The following ANKRD10 variants were observed in gnomAD, a reference collection of about 807,000 sequenced individuals.
ANKRD10 encodes the protein ankyrin repeat domain 10, also known as ankyrin repeat domain-containing protein 10.
ANKRD10 carries 14 observed loss-of-function variants against 27.0 expected under a neutral mutation model. The ratio of observed to expected loss-of-function variants is 0.52; its 90% CI spans 0.34 to 0.81. ANKRD10 has a LOEUF of 0.81. ANKRD10 is among the 40% of genes least tolerant of loss of function. The pLI, the probability that ANKRD10 is intolerant of heterozygous loss-of-function variation, is 0.01. For synonymous variants in ANKRD10, 250 were observed against 224.5 expected, an observed-to-expected ratio of 1.11 and a Z score of -1.01; for missense variants, 493 against 544.0, an observed-to-expected ratio of 0.91 and a Z score of 0.93.
chr13:110,915,029 G>C lies in ANKRD10; in HGVS notation c.-95C>G, dbSNP rs1420607257. 2.8e-6 allele frequency: 4 copies of C among 1,445,430 alleles called. No homozygotes were observed. The highest frequency in any genetic ancestry group is 2.5e-4 in the Middle Eastern group (1 of 3,988). The allele number at this position is 1,445,430 out of a possible 1,614,324, so 89.5% of individuals were successfully genotyped here. A position where few individuals can be genotyped will look rare whatever the true frequency, so the allele number is the denominator to read the frequency against. On this transcript the variant is annotated 5_prime_UTR_variant, in exon 1 of 6. Transcript: ENST00000267339. ...GCCGCAGCACAAAGGAACGAGACTA[G>C]CGCCGCGGTCGCGTCCCACAGGCTG...
chr13:110,910,716 T>G lies in ANKRD10; in HGVS notation c.265A>C (p.Thr89Pro). ...TGGGCTGGCGTCTGCGCGTACCGTG[T>G]GGTGGAGACGTTGAGTGTGGCTCCC... ...RAGATLNVST[T>P]RYAQTPAHIA... Residue 89 changes from threonine to proline, a missense_variant, in exon 2 of 6, where the codon ACA (threonine) becomes CCA (proline). By Grantham distance (38) the Thr-to-Pro change is conservative. Coordinates refer to ENST00000267339, the MANE Select transcript of ANKRD10 (RefSeq NM_017664.4). 6.2e-7 allele frequency: 1 copy of G among 1,614,204 alleles called. No homozygotes were observed. Among genetic ancestry groups the G allele is most frequent in the Non-Finnish European group, 8.5e-7 (1 of 1,180,042 alleles).
At position 110,910,875 on chromosome 13, in the gene ANKRD10, C is replaced by A. The variant is rs1038133138; in HGVS notation, c.211-105G>T. On this transcript the variant is annotated intron_variant, in intron 1 of 5. Transcript: ENST00000267339. Reference sequence around the variant, plus strand: ...ATAATGGTGACAAATGGCATTGTTACCAGTTTTTTAACAGATTAAGTCACT... The same window carrying A: ...ATAATGGTGACAAATGGCATTGTTAACAGTTTTTTAACAGATTAAGTCACT... 6 of 1,242,324 alleles carry A rather than the reference C, an allele frequency of 4.8e-6. No individual in the cohort carries two copies. The South Asian group carries it at 6.6e-5, about 14-fold the overall frequency. The allele number at this position is 1,242,324 out of a possible 1,614,324, so 77.0% of individuals were successfully genotyped here.
intron 3 of ANKRD10, among the ~76,000 whole-genome samples, chr13:110,893,591 T>C (rs1166774503): frequency 2.0e-5 from 3 of 152,254 alleles, no homozygotes; most frequent in Admixed American, 6.5e-5. Context: ...AATTCTATAT[T>C]ATATGCACTT....
intron 3 of ANKRD10, chr13:110,894,231 G>T: frequency 6.6e-7 from 1 of 1,509,832 alleles, no homozygotes; most frequent in Non-Finnish European, 9.2e-7. Context: ...CCTGTTAGCT[G>T]CAGGTTGATA....
chr13:110,902,611 T>C (rs1346076319), intron 3 of ANKRD10, among the ~76,000 whole-genome samples: 1 of 152,206 alleles, frequency 6.6e-6, no homozygotes, highest in Non-Finnish European at 1.5e-5. Context: ...AGCTATCTGA[T>C]GATCCCAGTT....
rs769412488 is a variant in ANKRD10 at position 110,914,748 on chromosome 13, G to A, written c.187C>T (p.His63Tyr). 3 of 1,593,682 alleles carry A rather than the reference G, an allele frequency of 1.9e-6. No homozygotes were observed. The highest frequency in any genetic ancestry group is 1.7e-6 in the Non-Finnish European group (2 of 1,171,074). ...EDSFYGWTPV[H>Y]WAAHFGKLEC... The stretch of plus-strand genomic sequence containing the variant: ...ACCTTGCCGAAATGCGCGGCCCAGT[G>A]CACGGGCGTCCAGCCATAGAAGGAG... Residue 63 changes from histidine (H) to tyrosine (Y), a missense_variant, in exon 1 of 6, where the codon CAC becomes TAC. Coordinates refer to ENST00000267339, the MANE Select transcript of ANKRD10 (RefSeq NM_017664.4).
At chr13:110,894,130 T>A in intron 3 of ANKRD10, 1 of 1,611,138 alleles carries the variant, frequency 6.2e-7, no homozygotes, top group Non-Finnish European at 8.5e-7. Context: ...GAATTAAAAC[T>A]GAGGGATCAA....
chr13:110,914,993 G>C lies in ANKRD10; in HGVS notation c.-59C>G, dbSNP rs2065851708. ...CTAGAGGACGCGTCGGGGAGGACTCGAGAAGCCGCCGCCGCAGCACAAAGG... is the reference window on the plus strand; with the variant it reads ...CTAGAGGACGCGTCGGGGAGGACTCCAGAAGCCGCCGCCGCAGCACAAAGG... On this transcript the variant is annotated 5_prime_UTR_variant, in exon 1 of 6. Coordinates refer to ENST00000267339, the MANE Select transcript of ANKRD10 (RefSeq NM_017664.4). The C allele has an allele frequency of 7.4e-6, 11 of 1,492,628 alleles. No homozygotes were observed. In the South Asian group the frequency reaches 7.8e-5, roughly 11 times the overall value. 92.5% of individuals were successfully genotyped at this position (1,492,628 alleles called of 1,614,324 possible). A position where few individuals can be genotyped will look rare whatever the true frequency, so the allele number is the denominator to read the frequency against.
At chr13:110,911,499 C>A (rs768403199) in intron 1 of ANKRD10, among the ~76,000 whole-genome samples, 3 of 129,334 alleles carry the variant, frequency 2.3e-5, no homozygotes, top group Non-Finnish European at 3.3e-5. Flanking sequence ...AGGCGCAGTG[C>A]CTCATGCCTG....
chr13:110,892,436 A>AAAAAAAAAAAAAT (rs1555321016), intron 4 of ANKRD10, among the ~76,000 whole-genome samples: 3 of 144,466 alleles, frequency 2.1e-5, no homozygotes, highest in Non-Finnish European at 3.1e-5. Context: ...AAAAAAAAAA[A>AAAAAAAAAAAAAT]TGGTGGGAGA....
At chr13:110,905,591 T>C (rs989165989) in intron 3 of ANKRD10, among the ~76,000 whole-genome samples, 6 of 152,210 alleles carry the variant, frequency 3.9e-5, no homozygotes, top group African/African-American at 1.4e-4. Flanking sequence ...AATCAAAACC[T>C]AGAAAAGTGA....
At chr13:110,912,777 G>A (rs1298535625) in intron 1 of ANKRD10, among the ~76,000 whole-genome samples, 2 of 152,230 alleles carry the variant, frequency 1.3e-5, no homozygotes, top group African/African-American at 4.8e-5. Flanking sequence ...TAGCAGGGCT[G>A]GGGAGAAAGC....
intron 4 of ANKRD10, chr13:110,892,654 G>T: frequency 1.2e-6 from 1 of 856,904 alleles, no homozygotes; most frequent in Non-Finnish European, 1.4e-6. Context: ...TATAAGCCCA[G>T]GAACATTTAC....
chr13:110,897,630 A>C (rs2065264816), intron 3 of ANKRD10, among the ~76,000 whole-genome samples: 1 of 152,124 alleles, frequency 6.6e-6, no homozygotes, highest in Admixed American at 6.5e-5. Flanking sequence ...GTTGATTCCA[A>C]TCTTGGGTAC....
At chr13:110,900,664 T>TG (rs773805157) in intron 3 of ANKRD10, 1 of 1,351,956 alleles carries the variant, frequency 7.4e-7, no homozygotes, top group East Asian at 4.6e-5. Flanking sequence ...TAGGATTACT[T>TG]GAAAAAATCA....
At chr13:110,891,914 T>C (rs1447651790) in intron 4 of ANKRD10, among the ~76,000 whole-genome samples, 2 of 147,620 alleles carry the variant, frequency 1.4e-5, no homozygotes, top group African/African-American at 2.5e-5. Context: ...GGTCTCACTA[T>C]GTTGCCCAGG....
rs370323418 is a variant in ANKRD10 at position 110,914,175 on chromosome 13, C to A, written c.210+550G>T. The stretch of plus-strand genomic sequence containing the variant: ...CAGTCCCGCCGGGGCGCTTGCTCCT[C>A]GGCTGAGCTCGTCCGCAGCGCGGCC... On this transcript the variant is annotated intron_variant, in intron 1 of 5. Transcript: ENST00000267339. Among the ~76,000 whole-genome samples, 70 of 152,284 alleles carry A rather than the reference C, an allele frequency of 4.6e-4. No individual in the cohort carries two copies. In the East Asian group the frequency reaches 0.013, roughly 27 times the overall value.
At chr13:110,892,579 T>C (rs140714876) in intron 4 of ANKRD10, 45 of 303,708 alleles carry the variant, frequency 1.5e-4, no homozygotes, top group African/African-American at 8.0e-4. Context: ...AGTACAGAAA[T>C]AGTACAGAAA....
intron 3 of ANKRD10, among the ~76,000 whole-genome samples, 173 bp from the exon 4 acceptor site, chr13:110,893,436 T>C (rs774889140): frequency 9.9e-5 from 15 of 152,264 alleles, no homozygotes; most frequent in Non-Finnish European, 1.6e-4. Flanking sequence ...TTCTCTTATA[T>C]ACATTTGATT....
Sources: gnomAD v4.1 joint callset for allele counts (sites outside exome capture counted in the v4.1 genomes callset) on GRCh38, gnomAD v4.1.1 for gene constraint, MANE v1.5 for transcripts, NCBI Gene and HGNC (gene_info 2026-07-23, HGNC 2026-07-21) for gene names.